PIBF1: variants seen among roughly 807,000 people sequenced by gnomAD.
The protein encoded by PIBF1 is progesterone-induced-blocking factor 1.
In PIBF1, 90 loss-of-function variants were observed where a neutral mutation model predicts 112.5. The ratio of observed to expected loss-of-function variants is 0.80; its 90% CI spans 0.67 to 0.95. The LOEUF (loss-of-function observed/expected upper bound fraction) is 0.95. PIBF1 is among the 40% of genes least tolerant of loss of function. The pLI, the probability that PIBF1 is intolerant of heterozygous loss-of-function variation, is 0.00. For missense variants in PIBF1, 915 were observed against 852.3 expected, an observed-to-expected ratio of 1.07 and a Z score of -0.92; for synonymous variants, 301 against 288.6, an observed-to-expected ratio of 1.04 and a Z score of -0.44.
chr13:72,863,524 G>C (rs1252734937), intron 10 of PIBF1, among the ~76,000 whole-genome samples: 1 of 151,880 alleles, frequency 6.6e-6, no homozygotes, highest in Non-Finnish European at 1.5e-5. Context: ...CAGGCGTGGT[G>C]GTGGGCACCT....
chr13:72,996,646 G>T (rs907043436), intron 16 of PIBF1, among the ~76,000 whole-genome samples: 2 of 151,968 alleles, frequency 1.3e-5, no homozygotes, highest in Non-Finnish European at 2.9e-5. Flanking sequence ...AAATTAGCTG[G>T]GTGTGGGGGA....
At chr13:73,007,488 T>G (rs929374133) in intron 17 of PIBF1, among the ~76,000 whole-genome samples, 1 of 152,098 alleles carries the variant, frequency 6.6e-6, no homozygotes. Flanking sequence ...CAAACTCTAT[T>G]GTATATTCTT....
intron 15 of PIBF1, among the ~76,000 whole-genome samples, chr13:72,972,252 G>C (rs976096653): frequency 1.3e-5 from 2 of 151,534 alleles, no homozygotes; most frequent in Admixed American, 6.6e-5. Context: ...GACTAGGCTC[G>C]AACTCCTGGG....
At chr13:72,838,932 C>T (rs990879326) in intron 9 of PIBF1, among the ~76,000 whole-genome samples, 1 of 152,044 alleles carries the variant, frequency 6.6e-6, no homozygotes, top group Non-Finnish European at 1.5e-5. Context: ...CAAACTAATT[C>T]GGTATGGCTG....
chr13:73,004,666 C>A (rs2043977074), intron 17 of PIBF1, among the ~76,000 whole-genome samples: 1 of 152,110 alleles, frequency 6.6e-6, no homozygotes, highest in Non-Finnish European at 1.5e-5. Context: ...ATCTGTTAAT[C>A]CTTTCCCATA....
At chr13:73,010,551 C>T (rs530022748) in intron 17 of PIBF1, among the ~76,000 whole-genome samples, 3 of 151,788 alleles carry the variant, frequency 2.0e-5, no homozygotes, top group East Asian at 3.9e-4. Flanking sequence ...TGCAGTGGGC[C>T]GAGATTGCGT....
chr13:73,000,269 C>A (rs1417112100), intron 17 of PIBF1, among the ~76,000 whole-genome samples: 2 of 152,130 alleles, frequency 1.3e-5, no homozygotes, highest in Admixed American at 6.5e-5. Flanking sequence ...TGCTCACAGC[C>A]CTTTGTCTTG....
At chr13:72,944,168 C>T (rs977253870) in intron 14 of PIBF1, among the ~76,000 whole-genome samples, 7 of 151,878 alleles carry the variant, frequency 4.6e-5, no homozygotes, top group South Asian at 2.1e-4. Context: ...CAGAATAAGC[C>T]GGGTGTGGTG....
chr13:72,868,742 G>C (rs2039028120), intron 10 of PIBF1, among the ~76,000 whole-genome samples: 1 of 150,256 alleles, frequency 6.7e-6, no homozygotes, highest in Non-Finnish European at 1.5e-5. Context: ...CCTACACTTT[G>C]GGAGGCCATG....
intron 15 of PIBF1, among the ~76,000 whole-genome samples, chr13:72,972,736 T>C (rs1404504354): frequency 1.3e-5 from 2 of 152,246 alleles, no homozygotes; most frequent in Admixed American, 6.5e-5. Flanking sequence ...TTTGTCTTTT[T>C]TATTGTAATC....
chr13:72,992,250 A>G (rs2043505372), intron 16 of PIBF1, among the ~76,000 whole-genome samples: 1 of 152,216 alleles, frequency 6.6e-6, no homozygotes, highest in Non-Finnish European at 1.5e-5. Context: ...GGATTGAGGG[A>G]AGGCACTTTT....
chr13:72,999,416 G>T (rs2043786361), intron 17 of PIBF1, among the ~76,000 whole-genome samples: 1 of 152,140 alleles, frequency 6.6e-6, no homozygotes. Flanking sequence ...TAAGAATCAA[G>T]ATTAAAAGGC....
intron 12 of PIBF1, among the ~76,000 whole-genome samples, chr13:72,910,849 A>G (rs2040868980): frequency 6.6e-6 from 1 of 152,214 alleles, no homozygotes; most frequent in Admixed American, 6.5e-5. Context: ...ATTTAAGCCA[A>G]AAAACCCTAC....
At chr13:72,856,641 G>A (rs2038434796) in intron 10 of PIBF1, among the ~76,000 whole-genome samples, 1 of 152,024 alleles carries the variant, frequency 6.6e-6, no homozygotes, top group Non-Finnish European at 1.5e-5. Flanking sequence ...AATAAGCTTA[G>A]GCTTTAACAA....
At chr13:72,785,057 T>C (rs1203034215) in intron 2 of PIBF1, among the ~76,000 whole-genome samples, 5 of 152,056 alleles carry the variant, frequency 3.3e-5, no homozygotes, top group African/African-American at 1.2e-4. Context: ...GGATCACTTT[T>C]ATAAGGGCAC....
intron 17 of PIBF1, among the ~76,000 whole-genome samples, chr13:73,002,410 T>C (rs888877563): frequency 1.3e-5 from 2 of 152,168 alleles, no homozygotes; most frequent in African/African-American, 4.8e-5. Context: ...ACTTTCACTC[T>C]TAAGGTAGCT....
At chr13:72,916,414 A>ATATATT (rs367708260) in intron 12 of PIBF1, among the ~76,000 whole-genome samples, 14,096 of 148,818 alleles carry the variant, frequency 0.095, 1,993 homozygotes, top group African/African-American at 0.31. Context: ...ATATATATAT[A>ATATATT]TTTTTTTAAT....
At chr13:72,792,661 G>A (rs1241840378) in intron 3 of PIBF1, 114 bp downstream of exon 3, 3 of 581,564 alleles carry the variant, frequency 5.2e-6, no homozygotes, top group South Asian at 2.5e-5. Flanking sequence ...TTAAGTCAGA[G>A]ATAGCAATAA....
At chr13:72,993,254 G>A (rs2043537668) in intron 16 of PIBF1, among the ~76,000 whole-genome samples, 1 of 151,972 alleles carries the variant, frequency 6.6e-6, no homozygotes, top group Admixed American at 6.6e-5. Flanking sequence ...GAGCCCAGGA[G>A]GCGGAGGTTG....
Sources: allele counts gnomAD v4.1 joint callset (sites outside exome capture counted in the v4.1 genomes callset), GRCh38; gene constraint gnomAD v4.1.1; transcripts MANE v1.5; gene names NCBI Gene and HGNC (gene_info 2026-07-23, HGNC 2026-07-21).